Variants in AKAP9 observed in about 807,000 individuals in gnomAD.
AKAP9 encodes A-kinase anchoring protein 9, also known as A-kinase anchor protein 9.
Under a neutral mutation model 488.5 loss-of-function variants are expected in AKAP9, and 311 were observed. That is an observed-to-expected ratio of 0.64 (90% confidence interval 0.58 to 0.70). AKAP9 has a LOEUF of 0.70. AKAP9 is among the 30% of genes least tolerant of loss of function. AKAP9 has a pLI of 0.00. For synonymous variants in AKAP9, 1,462 were observed against 1,483.5 expected (o/e 0.99, Z 0.33); for missense variants, 4,215 against 4,374.5 (o/e 0.96, Z 1.03).
At chr7:91,944,517 G>A (rs1300695063) in intron 1 of AKAP9, among the ~76,000 whole-genome samples, 1 of 151,842 alleles carries the variant, frequency 6.6e-6, no homozygotes, top group Non-Finnish European at 1.5e-5. Flanking sequence ...CTCCCAAGTA[G>A]CTGGGATTAC....
chr7:91,958,999 C>G (rs1293812617), intron 1 of AKAP9, among the ~76,000 whole-genome samples: 2 of 152,042 alleles, frequency 1.3e-5, no homozygotes, highest in African/African-American at 4.8e-5. Context: ...ACCCTCCCAC[C>G]TCAGCCTGCC....
rs902948831 is a variant in AKAP9 at position 91,988,197 on chromosome 7, T to C, written c.352-3961T>C. Among the ~76,000 whole-genome samples, 5 of 148,498 alleles carry C rather than the reference T, an allele frequency of 3.4e-5. No homozygotes were observed. In the East Asian group the frequency reaches 5.9e-4, roughly 17 times the overall value. On this transcript the variant is annotated intron_variant, in intron 3 of 49. Coordinates refer to ENST00000356239, the MANE Select transcript of AKAP9 (RefSeq NM_005751.5). Reference sequence around the variant, plus strand: ...CAAGAAACAGTATCATCACAAGATATGTCATACTGTAAGAATAAGTATCTT... The same window carrying C: ...CAAGAAACAGTATCATCACAAGATACGTCATACTGTAAGAATAAGTATCTT...
At chr7:92,041,979 G>A (rs1806185476) in intron 18 of AKAP9, 67 bp from the exon 19 acceptor site, 2 of 1,559,770 alleles carry the variant, frequency 1.3e-6, no homozygotes, top group Admixed American at 3.5e-5. Flanking sequence ...AAAGAAATCT[G>A]CTTAATATTT....
chr7:92,044,973 T>G, intron 20 of AKAP9, 35 bp from the exon 21 acceptor site: 1 of 1,539,984 alleles, frequency 6.5e-7, no homozygotes, highest in East Asian at 2.2e-5. Context: ...TCAAAAATAT[T>G]AAACATTTTA....
intron 3 of AKAP9, among the ~76,000 whole-genome samples, chr7:91,988,409 G>T (rs1489710891): frequency 6.7e-6 from 1 of 149,504 alleles, no homozygotes; most frequent in African/African-American, 2.5e-5. Flanking sequence ...GTTTGAGTTT[G>T]CAATGACCTA....
intron 18 of AKAP9, 59 bp from the exon 19 acceptor site, chr7:92,041,987 T>G: frequency 6.3e-7 from 1 of 1,587,214 alleles, no homozygotes; most frequent in Non-Finnish European, 8.6e-7. Flanking sequence ...CTGCTTAATA[T>G]TTCTACCCTT....
At position 92,086,283 on chromosome 7, in the gene AKAP9, T is replaced by C. The variant is rs1195790100; in HGVS notation, c.9080T>C (p.Leu3027Pro). ...TTCTCAGACTGGCGAGGTGAACTACTGCTTGCCCTTCAACAAGTTTTCTTA... is the reference window on the plus strand; with the variant it reads ...TTCTCAGACTGGCGAGGTGAACTACCGCTTGCCCTTCAACAAGTTTTCTTA... ...ESFSDWRGEL[L>P]LALQQVFLEE... The change falls in exon 37 of 50, where the codon CTG (leucine) becomes CCG (proline). Residue 3027 changes from leucine (L) to proline (P), a missense_variant. By Grantham distance (98) the Leu-to-Pro change is moderately conservative. Coordinates refer to ENST00000356239, the MANE Select transcript of AKAP9 (RefSeq NM_005751.5). The C allele has an allele frequency of 3.1e-6, 5 of 1,614,050 alleles. No individual in the cohort carries two copies. The highest frequency in any genetic ancestry group is 4.2e-6 in the Non-Finnish European group (5 of 1,180,022).
intron 5 of AKAP9, 143 bp from the exon 6 acceptor site, chr7:91,994,478 G>A: frequency 1.3e-6 from 1 of 750,904 alleles, no homozygotes; most frequent in African/African-American, 1.8e-5. Context: ...ATTTCTGTAA[G>A]TTAATAGTTT....
chr7:91,950,485 C>T (rs1792090965), intron 1 of AKAP9, among the ~76,000 whole-genome samples: 1 of 152,166 alleles, frequency 6.6e-6, no homozygotes, highest in Non-Finnish European at 1.5e-5. Flanking sequence ...CTGCCTCGGC[C>T]TCCCAAAGTG....
At chr7:91,986,280 G>A (rs185851091) in intron 3 of AKAP9, among the ~76,000 whole-genome samples, 3 of 152,258 alleles carry the variant, frequency 2.0e-5, no homozygotes, top group South Asian at 2.1e-4. Context: ...GGAGTGTCCC[G>A]TTTTTCCAGG....
At chr7:91,988,998 C>T (rs567472553) in intron 3 of AKAP9, among the ~76,000 whole-genome samples, 2 of 152,150 alleles carry the variant, frequency 1.3e-5, no homozygotes, top group African/African-American at 4.8e-5. Context: ...CAAAGTAGTT[C>T]ACAAAATAAG....
In AKAP9 at chr7:92,053,945, A is replaced by G. The variant is rs940621072; in HGVS notation, c.5601+987A>G. Among the ~76,000 whole-genome samples, 6 of 152,286 alleles carry G rather than the reference A, an allele frequency of 3.9e-5. No individual in the cohort carries two copies. The East Asian group carries it at 1.2e-3, about 29-fold the overall frequency. Reference sequence around the variant, plus strand: ...CACTAATCTGTGGATTATTAGTACAATGTTCACATTGTTCTCTGGCTTAAT... The same window carrying G: ...CACTAATCTGTGGATTATTAGTACAGTGTTCACATTGTTCTCTGGCTTAAT... On this transcript the variant is annotated intron_variant, in intron 22 of 49. Transcript: ENST00000356239.
chr7:92,083,215 G>A lies in AKAP9; in HGVS notation c.8206G>A (p.Val2736Ile), dbSNP rs371753464. Residue 2736 changes from valine (V) to isoleucine (I), a missense_variant, in exon 33 of 50, where the codon GTT (valine) becomes ATT (isoleucine). This residue lies in a region of AKAP9 where 1,476 missense variants were observed against 1,477.4 expected (regional missense o/e 1.00). Coordinates refer to ENST00000356239, the MANE Select transcript of AKAP9 (RefSeq NM_005751.5). ...ATCTCTTCAGAAAGACTTAAGCCAA[G>A]TTAGGGATCACCTCGCAGAGGCAAA... ...MTSLQKDLSQ[V>I]RDHLAEAKEK... 4.3e-6 allele frequency: 7 copies of A among 1,613,954 alleles called. No individual in the cohort carries two copies. The African/African-American group carries it at 9.3e-5, about 22-fold the overall frequency.
At chr7:92,099,565 C>T (rs756169716) in intron 43 of AKAP9, 122 bp from the exon 44 acceptor site, 14 of 957,448 alleles carry the variant, frequency 1.5e-5, no homozygotes, top group Non-Finnish European at 2.2e-5. Flanking sequence ...CTACCTATTA[C>T]TGAATACTCA....
At chr7:92,084,304 G>T (rs1021873475) in intron 33 of AKAP9, among the ~76,000 whole-genome samples, 2 of 152,120 alleles carry the variant, frequency 1.3e-5, no homozygotes, top group South Asian at 4.1e-4. Flanking sequence ...TCTTCCTTAT[G>T]ATCGCAATTT....
chr7:91,944,539 A>G (rs1791186350), intron 1 of AKAP9, among the ~76,000 whole-genome samples: 1 of 151,736 alleles, frequency 6.6e-6, no homozygotes, highest in South Asian at 2.1e-4. Context: ...GGCATTTACC[A>G]CCACGCCTGG....
intron 15 of AKAP9, among the ~76,000 whole-genome samples, chr7:92,030,431 A>G (rs1804027137): frequency 2.0e-5 from 3 of 151,310 alleles, no homozygotes; most frequent in Admixed American, 6.6e-5. Context: ...TCACGAGGTC[A>G]GGAGATCAAG....
At chr7:91,986,730 A>G (rs1477399455) in intron 3 of AKAP9, among the ~76,000 whole-genome samples, 1 of 152,142 alleles carries the variant, frequency 6.6e-6, no homozygotes, top group Non-Finnish European at 1.5e-5. Context: ...TATTGAACCT[A>G]TTTATCTGAG....
In AKAP9 at chr7:92,066,434, C is replaced by G; in HGVS notation, c.6218C>G (p.Ala2073Gly). The G allele has an allele frequency of 4.3e-6, 7 of 1,612,934 alleles. No homozygotes were observed. The highest frequency in any genetic ancestry group is 5.9e-6 in the Non-Finnish European group (7 of 1,179,264). ...EKMRKFLDEQ[A>G]IDREHERDVF... ...ATTGTCATTAAACTTTAGGAGCAAGCCATTGACAGAGAACATGAGAGAGAT... is the reference window on the plus strand; with the variant it reads ...ATTGTCATTAAACTTTAGGAGCAAGGCATTGACAGAGAACATGAGAGAGAT... Residue 2073 changes from alanine (A) to glycine (G), a missense_variant, in exon 26 of 50, where the codon GCC (alanine) becomes GGC (glycine). Ala to Gly is a moderately conservative substitution (Grantham distance 60). Transcript: ENST00000356239.
Sources: gnomAD v4.1 joint callset for allele counts (sites outside exome capture counted in the v4.1 genomes callset) on GRCh38, gnomAD v4.1.1 for gene constraint, gnomAD v4.1.1 regional missense constraint, MANE v1.5 for transcripts, NCBI Gene and HGNC (gene_info 2026-07-23, HGNC 2026-07-21) for gene names.